Variants in ZC3HAV1 observed in about 807,000 individuals in gnomAD.
The protein encoded by ZC3HAV1 is zinc finger CCCH-type antiviral protein 1.
ZC3HAV1 carries 41 observed loss-of-function variants against 86.6 expected under a neutral mutation model. The observed-to-expected ratio is 0.47, with a 90% CI of 0.37 to 0.61. The LOEUF (loss-of-function observed/expected upper bound fraction) is 0.61, where lower values mean the gene tolerates loss of function less well. Among genes scored for constraint, ZC3HAV1 ranks in the 20% least tolerant of loss-of-function variants. The pLI, the probability that ZC3HAV1 is intolerant of heterozygous loss-of-function variation, is 0.00. For synonymous variants in ZC3HAV1, 421 were observed against 432.1 expected, an observed-to-expected ratio of 0.97 and a Z score of 0.32; for missense variants, 964 against 1,141.1, an observed-to-expected ratio of 0.84 and a Z score of 2.24.
intron 5 of ZC3HAV1, among the ~76,000 whole-genome samples, chr7:139,077,715 A>G (rs1447870998): frequency 1.3e-5 from 2 of 152,264 alleles, no homozygotes; most frequent in Non-Finnish European, 2.9e-5. Flanking sequence ...GCTACAGTAC[A>G]GGAAGACAGA....
chr7:139,097,428 A>ATTTTTTTTTT (rs11291842), intron 1 of ZC3HAV1, among the ~76,000 whole-genome samples: 23 of 48,160 alleles, frequency 4.8e-4, no homozygotes, highest in African/African-American at 2.2e-3. Context: ...ATATATATAT[A>ATTTTTTTTTT]TTTTTTTTTT....
chr7:139,097,424 A>ATTTTT (rs1278585081), intron 1 of ZC3HAV1, among the ~76,000 whole-genome samples: 50 of 81,176 alleles, frequency 6.2e-4, no homozygotes, highest in African/African-American at 3.1e-3. Context: ...ATATATATAT[A>ATTTTT]TATATTTTTT....
intron 1 of ZC3HAV1, among the ~76,000 whole-genome samples, chr7:139,092,838 C>T (rs1280401001): frequency 6.6e-6 from 1 of 152,210 alleles, no homozygotes; most frequent in Non-Finnish European, 1.5e-5. Context: ...GTGATTCTCA[C>T]CCTGAACCCA....
chr7:139,070,687 C>T (rs1434064722), intron 7 of ZC3HAV1, among the ~76,000 whole-genome samples: 3 of 140,884 alleles, frequency 2.1e-5, no homozygotes, highest in East Asian at 4.7e-4. Flanking sequence ...AAAAAAACCT[C>T]AGGAAGGGCT....
At chr7:139,086,265 C>G (rs999898494) in intron 2 of ZC3HAV1, among the ~76,000 whole-genome samples, 5 of 152,196 alleles carry the variant, frequency 3.3e-5, no homozygotes, top group African/African-American at 1.2e-4. Flanking sequence ...CATGCTAACT[C>G]CAGAAACCAG....
intron 2 of ZC3HAV1, among the ~76,000 whole-genome samples, chr7:139,087,281 G>A (rs1188402274): frequency 1.3e-5 from 2 of 152,168 alleles, no homozygotes; most frequent in African/African-American, 4.8e-5. Context: ...TGGTAGTCAT[G>A]GAGGACTGGG....
chr7:139,097,814 G>A (rs1034241931), intron 1 of ZC3HAV1, among the ~76,000 whole-genome samples: 5 of 151,926 alleles, frequency 3.3e-5, no homozygotes, highest in African/African-American at 9.7e-5. Context: ...CTGGAGGAGT[G>A]GGGGGACTCC....
At position 139,083,922 on chromosome 7, in the gene ZC3HAV1, G is replaced by A; in HGVS notation, c.555C>T (p.Pro185=). The change falls in exon 3 of 13, where the codon CCC becomes CCT. Residue 185 remains proline (P), a synonymous_variant. Coordinates refer to ENST00000242351, the MANE Select transcript of ZC3HAV1 (RefSeq NM_020119.4). ...DHFTRGNCRF[P]NCLRSHNLMD... ...TCAGGTTATGGGACCGGAGGCAGTTGGGAAAACGACAGTTCCCTCGGGTGA... is the reference window on the plus strand; with the variant it reads ...TCAGGTTATGGGACCGGAGGCAGTTAGGAAAACGACAGTTCCCTCGGGTGA... 6.2e-7 allele frequency: 1 copy of A among 1,614,012 alleles called. No homozygotes were observed. The highest frequency in any genetic ancestry group is 8.5e-7 in the Non-Finnish European group (1 of 1,180,012).
intron 1 of ZC3HAV1, among the ~76,000 whole-genome samples, chr7:139,104,577 G>T (rs1027082416): frequency 1.3e-5 from 2 of 151,960 alleles, no homozygotes; most frequent in Non-Finnish European, 2.9e-5. Flanking sequence ...AAAAAAATTA[G>T]CCAGGCGTGG....
chr7:139,080,435 G>A (rs957335855), intron 3 of ZC3HAV1, among the ~76,000 whole-genome samples, 192 bp from the exon 4 acceptor site: 3 of 151,822 alleles, frequency 2.0e-5, no homozygotes, highest in Non-Finnish European at 2.9e-5. Flanking sequence ...TTTTGTTTTT[G>A]TTTTTGTTTT....
intron 1 of ZC3HAV1, among the ~76,000 whole-genome samples, chr7:139,090,158 TG>T (rs1817389452): frequency 6.6e-6 from 1 of 152,168 alleles, no homozygotes; most frequent in Non-Finnish European, 1.5e-5. Flanking sequence ...TGACCTCAGG[TG>T]ATCCATCCGC....
At position 139,079,788 on chromosome 7, in the gene ZC3HAV1, G is replaced by C; in HGVS notation, c.1153C>G (p.Arg385Gly). 6.2e-7 allele frequency: 1 copy of C among 1,614,146 alleles called. No homozygotes were observed. The highest frequency in any genetic ancestry group is 8.5e-7 in the Non-Finnish European group (1 of 1,180,042). Residue 385 changes from arginine to glycine, a missense_variant, in exon 4 of 13, where the codon CGC (arginine) becomes GGC (glycine). Arg to Gly is a moderately radical substitution (Grantham distance 125, BLOSUM62 -2). Transcript: ENST00000242351. ...TVFSPTLPAA[R>G]SSLGSLQTPE... ...GTTTGCAGAGAGCCAAGAGAAGAGCGGGCGGCAGGTAGCGTGGGAGAAAAC... is the reference window on the plus strand; with the variant it reads ...GTTTGCAGAGAGCCAAGAGAAGAGCCGGCGGCAGGTAGCGTGGGAGAAAAC...
intron 1 of ZC3HAV1, among the ~76,000 whole-genome samples, chr7:139,107,916 G>T (rs572367346): frequency 1.3e-5 from 2 of 152,308 alleles, no homozygotes; most frequent in African/African-American, 4.8e-5. Flanking sequence ...AGGAAAGACT[G>T]GCCATTCATT....
At chr7:139,081,731 A>C (rs763190326) in intron 3 of ZC3HAV1, among the ~76,000 whole-genome samples, 1 of 152,244 alleles carries the variant, frequency 6.6e-6, no homozygotes, top group African/African-American at 2.4e-5. Context: ...AAAAAATGAC[A>C]TATCTACCTT....
chr7:139,080,176 C>T lies in ZC3HAV1; in HGVS notation c.765G>A (p.Gln255=). The stretch of plus-strand genomic sequence containing the variant: ...CAGACGCAAGAAATTCTTGGCTGCC[C>T]TGAAAGAACCGATCTCTACTCTTGC... ...ARSKSRDRFF[Q]GSQEFLASAS... is the part of the protein sequence containing the mutation. Residue 255 remains glutamine, a synonymous_variant, in exon 4 of 13, where the codon CAG becomes CAA. Transcript: ENST00000242351. 1 of 1,614,150 alleles carries T rather than the reference C, an allele frequency of 6.2e-7. No individual in the cohort carries two copies.
At chr7:139,073,626 G>A (rs2130697195) in intron 7 of ZC3HAV1, among the ~76,000 whole-genome samples, 1 of 152,202 alleles carries the variant, frequency 6.6e-6, no homozygotes, top group East Asian at 1.9e-4. Context: ...GAGTAGCGGG[G>A]ATTATAGGCG....
intron 1 of ZC3HAV1, among the ~76,000 whole-genome samples, chr7:139,102,728 T>TACACAC (rs113108708): frequency 0.01 from 1,413 of 139,396 alleles, 12 homozygotes; most frequent in Middle Eastern, 0.014. Flanking sequence ...ACTGTCTCTA[T>TACACAC]ACACACACAC....
intron 12 of ZC3HAV1, among the ~76,000 whole-genome samples, 186 bp from the exon 13 acceptor site, chr7:139,048,039 A>G (rs1816011702): frequency 1.3e-5 from 2 of 152,224 alleles, no homozygotes; most frequent in Admixed American, 6.5e-5. Context: ...AATACAGTAT[A>G]TAACCCTATA....
At chr7:139,064,808 G>A (rs1816548969) in intron 8 of ZC3HAV1, 71 bp downstream of exon 8, 3 of 1,610,400 alleles carry the variant, frequency 1.9e-6, no homozygotes, top group African/African-American at 1.3e-5. Flanking sequence ...TACCCACTCT[G>A]CTCCCACTCC....
Sources: gnomAD v4.1 joint callset for allele counts (sites outside exome capture counted in the v4.1 genomes callset) on GRCh38, gnomAD v4.1.1 for gene constraint, MANE v1.5 for transcripts, NCBI Gene and HGNC (gene_info 2026-07-23, HGNC 2026-07-21) for gene names.